Variants in THSD7B observed in about 807,000 individuals in gnomAD.
THSD7B encodes the protein thrombospondin type-1 domain-containing protein 7B.
In THSD7B, 138 loss-of-function variants were observed where a neutral mutation model predicts 213.6. The observed-to-expected ratio is 0.65, with a 90% CI of 0.56 to 0.74. The LOEUF (loss-of-function observed/expected upper bound fraction) is 0.74, where lower values mean the gene tolerates loss of function less well. THSD7B is among the 30% of genes least tolerant of loss of function. THSD7B has a pLI of 0.00. For missense variants in THSD7B, 1,931 were observed against 1,991.5 expected, an observed-to-expected ratio of 0.97 and a Z score of 0.58; for synonymous variants, 742 against 687.0, an observed-to-expected ratio of 1.08 and a Z score of -1.25.
intron 12 of THSD7B, among the ~76,000 whole-genome samples, chr2:137,307,836 TAGTC>T (rs1198021428): frequency 1.3e-5 from 2 of 152,078 alleles, no homozygotes; most frequent in African/African-American, 4.8e-5. Flanking sequence ...ATGCTTTTGT[TAGTC>T]AGGCAACTCC....
chr2:137,060,700 A>G (rs1442126918), intron 3 of THSD7B, among the ~76,000 whole-genome samples: 1 of 151,910 alleles, frequency 6.6e-6, no homozygotes, highest in Non-Finnish European at 1.5e-5. Flanking sequence ...TATGCCTTCA[A>G]TTTTTATTCT....
At chr2:137,239,854 G>A (rs1681861912) in intron 9 of THSD7B, among the ~76,000 whole-genome samples, 1 of 152,330 alleles carries the variant, frequency 6.6e-6, no homozygotes, top group Non-Finnish European at 1.5e-5. Flanking sequence ...CTGAAAGTCC[G>A]TGATCAGGGT....
intron 8 of THSD7B, among the ~76,000 whole-genome samples, chr2:137,231,762 A>C (rs548631183): frequency 6.6e-6 from 1 of 152,284 alleles, no homozygotes. Context: ...TGATGAAGCT[A>C]AAAAGTGCTA....
intron 7 of THSD7B, among the ~76,000 whole-genome samples, chr2:137,175,828 T>C (rs1680348377): frequency 6.6e-6 from 1 of 152,206 alleles, no homozygotes; most frequent in South Asian, 2.1e-4. Context: ...TGTTTGTTTG[T>C]TTTATTTTTA....
chr2:137,163,332 T>A (rs1172800331), intron 6 of THSD7B, among the ~76,000 whole-genome samples: 2 of 152,166 alleles, frequency 1.3e-5, no homozygotes, highest in Non-Finnish European at 2.9e-5. Context: ...ATAGGATTAT[T>A]TCAGAAGTAA....
chr2:137,177,840 G>A (rs1454937417), intron 7 of THSD7B, among the ~76,000 whole-genome samples: 1 of 152,054 alleles, frequency 6.6e-6, no homozygotes, highest in Non-Finnish European at 1.5e-5. Context: ...GGAGGTCAAG[G>A]TGGGCGGATC....
intron 2 of THSD7B, among the ~76,000 whole-genome samples, chr2:136,942,527 G>C (rs943184197): frequency 2.0e-5 from 3 of 152,138 alleles, no homozygotes; most frequent in Admixed American, 6.5e-5. Flanking sequence ...CTATTTCACT[G>C]AGCAGTGGTT....
intron 7 of THSD7B, among the ~76,000 whole-genome samples, chr2:137,217,886 G>A (rs1573892864): frequency 1.3e-5 from 2 of 152,266 alleles, no homozygotes; most frequent in East Asian, 1.9e-4. Context: ...ATGCAACCCT[G>A]AATTTACTGA....
At chr2:137,055,331 T>C (rs539756643) in intron 2 of THSD7B, among the ~76,000 whole-genome samples, 1 of 152,312 alleles carries the variant, frequency 6.6e-6, no homozygotes, top group Non-Finnish European at 1.5e-5. Flanking sequence ...GGTTGAATGG[T>C]ATTTCTGGTT....
chr2:136,876,956 T>C (rs1050060516), intron 1 of THSD7B, among the ~76,000 whole-genome samples: 1 of 152,176 alleles, frequency 6.6e-6, no homozygotes, highest in African/African-American at 2.4e-5. Flanking sequence ...TAGCTGCAGT[T>C]CTGACTGTGG....
intron 3 of THSD7B, among the ~76,000 whole-genome samples, chr2:137,093,952 G>A (rs190654429): frequency 6.6e-6 from 1 of 152,160 alleles, no homozygotes; most frequent in Non-Finnish European, 1.5e-5. Context: ...GACTGTTGGT[G>A]CTTGATCACA....
intron 1 of THSD7B, among the ~76,000 whole-genome samples, chr2:136,840,234 C>G (rs1050300514): frequency 2.0e-5 from 3 of 151,932 alleles, no homozygotes; most frequent in Non-Finnish European, 4.4e-5. Flanking sequence ...CAAAAATTAG[C>G]CAGGAGTGGT....
chr2:137,336,052 G>T (rs1684631740), intron 12 of THSD7B, among the ~76,000 whole-genome samples: 1 of 152,028 alleles, frequency 6.6e-6, no homozygotes, highest in African/African-American at 2.4e-5. Flanking sequence ...ACTAATTAGA[G>T]AAATATGAGG....
intron 15 of THSD7B, among the ~76,000 whole-genome samples, chr2:137,471,018 C>T (rs575174186): frequency 6.7e-6 from 1 of 149,886 alleles, no homozygotes; most frequent in South Asian, 2.1e-4. Flanking sequence ...CTCCCAGGTT[C>T]AAGTGATTCT....
chr2:137,551,686 T>C (rs1680851258), intron 15 of THSD7B, among the ~76,000 whole-genome samples: 1 of 152,212 alleles, frequency 6.6e-6, no homozygotes, highest in African/African-American at 2.4e-5. Flanking sequence ...ATTTTTTGGT[T>C]CTTAATATCA....
At chr2:136,885,857 G>A (rs1172550656) in intron 2 of THSD7B, among the ~76,000 whole-genome samples, 1 of 152,136 alleles carries the variant, frequency 6.6e-6, no homozygotes, top group Non-Finnish European at 1.5e-5. Context: ...AGATGAGGGC[G>A]AGTGGTAAGA....
intron 15 of THSD7B, among the ~76,000 whole-genome samples, chr2:137,458,377 C>T (rs1269090850): frequency 2.6e-5 from 4 of 152,146 alleles, no homozygotes; most frequent in Non-Finnish European, 5.9e-5. Context: ...TGGACCACTT[C>T]CTTCTCTTGG....
intron 12 of THSD7B, among the ~76,000 whole-genome samples, chr2:137,366,645 A>T (rs1685415028): frequency 6.6e-6 from 1 of 152,260 alleles, no homozygotes; most frequent in South Asian, 2.1e-4. Context: ...AAATAGAAGA[A>T]AAACTAGTCC....
At chr2:137,003,923 C>T (rs1053404174) in intron 2 of THSD7B, among the ~76,000 whole-genome samples, 1 of 152,098 alleles carries the variant, frequency 6.6e-6, no homozygotes, top group South Asian at 2.1e-4. Context: ...TTTTTCTATA[C>T]TATGTTACTT....
Sources: allele counts gnomAD v4.1 joint callset (sites outside exome capture counted in the v4.1 genomes callset), GRCh38; gene constraint gnomAD v4.1.1; transcripts MANE v1.5; gene names NCBI Gene and HGNC (gene_info 2026-07-23, HGNC 2026-07-21).